ZNF136: variants seen among roughly 807,000 people sequenced by gnomAD.
The protein encoded by ZNF136 is zinc finger protein 136 (clone pHZ-20).
ZNF136 carries 8 observed loss-of-function variants against 11.4 expected under a neutral mutation model. That is an observed-to-expected ratio of 0.70 (90% CI 0.41 to 1.27). The LOEUF is 1.27. ZNF136 is among the 50% of genes most tolerant of loss of function. The pLI, the probability that ZNF136 is intolerant of heterozygous loss-of-function variation, is 0.01. For synonymous variants in ZNF136, 190 were observed against 207.1 expected, an observed-to-expected ratio of 0.92 and a Z score of 0.71; for missense variants, 590 against 656.5, an observed-to-expected ratio of 0.90 and a Z score of 1.11.
intron 1 of ZNF136, among the ~76,000 whole-genome samples, chr19:12,171,978 CTTTTT>C (rs57769136): frequency 7.7e-6 from 1 of 129,536 alleles, no homozygotes; most frequent in Non-Finnish European, 1.7e-5. Flanking sequence ...CTCTCTCTCT[CTTTTT>C]TTTTTTTTTT....
chr19:12,186,998 A>G lies in ZNF136; in HGVS notation c.620A>G (p.Tyr207Cys), dbSNP rs1446923943. 2 of 1,614,002 alleles carry G rather than the reference A, an allele frequency of 1.2e-6. No homozygotes were observed. Among genetic ancestry groups the G allele is most frequent in the Non-Finnish European group, 1.7e-6 (2 of 1,180,018 alleles). ...AAGGTGTGTGGGAAAGCTTTTGATT[A>G]TCCCAGTAGATTTCGAACACATGAA... The part of the protein sequence containing the change: ...KCKVCGKAFD[Y>C]PSRFRTHERS... The change falls in exon 4 of 4, where the codon TAT becomes TGT. Residue 207 changes from tyrosine (Y) to cysteine (C), a missense_variant. Physicochemically the swap from Tyr to Cys is radical, Grantham distance 194. Transcript: ENST00000343979.
Position 12,189,417 on chromosome 19 carries a change from A to T in ZNF136, c.*1416A>T, listed in dbSNP as rs2438578. 1 of 151,908 alleles carries T rather than the reference A, an allele frequency of 6.6e-6. No homozygotes were observed. Among genetic ancestry groups the T allele is most frequent in the Non-Finnish European group, 1.5e-5 (1 of 68,052 alleles). 9.4% of individuals were successfully genotyped at this position (151,908 alleles called of 1,614,324 possible). The stretch of plus-strand genomic sequence containing the variant: ...GTTGCCCAAGCTGGAGTACAGTGGC[A>T]TGATCTCGGCTCATTGCAACCTCTG... On this transcript the variant is annotated 3_prime_UTR_variant, in exon 4 of 4. Coordinates refer to ENST00000343979, the MANE Select transcript of ZNF136 (RefSeq NM_003437.5).
intron 1 of ZNF136, among the ~76,000 whole-genome samples, chr19:12,180,567 G>A (rs1914914164): frequency 6.6e-6 from 1 of 152,174 alleles, no homozygotes; most frequent in African/African-American, 2.4e-5. Flanking sequence ...GAGGGTGTGT[G>A]TATATGTTCT....
chr19:12,177,985 TGTGGTCCCA>T (rs1914843093), intron 1 of ZNF136, among the ~76,000 whole-genome samples: 1 of 152,156 alleles, frequency 6.6e-6, no homozygotes, highest in Admixed American at 6.6e-5. Flanking sequence ...GGCATGTACC[TGTGGTCCCA>T]GCTACTCCCA....
intron 1 of ZNF136, among the ~76,000 whole-genome samples, chr19:12,180,032 A>AT: frequency 6.6e-6 from 1 of 151,868 alleles, no homozygotes; most frequent in East Asian, 2.0e-4. Context: ...CACCCGGCTA[A>AT]TTTTTTTGTA....
At chr19:12,173,526 C>T (rs1422750966) in intron 1 of ZNF136, among the ~76,000 whole-genome samples, 1 of 152,158 alleles carries the variant, frequency 6.6e-6, no homozygotes, top group East Asian at 1.9e-4. Context: ...GCGAGTCATA[C>T]TGTAACTCTA....
rs1286127759 is a variant in ZNF136 at position 12,187,174 on chromosome 19, T to A, written c.796T>A (p.Ser266Thr). ...VCGKPFHSLS[S>T]FQVHERIHTG... is the part of the protein sequence containing the mutation. ...TGGGAAACCCTTTCATTCTCTGAGT[T>A]CATTTCAAGTGCATGAAAGAATTCA... Residue 266 changes from serine to threonine, a missense_variant, in exon 4 of 4, where the codon TCA becomes ACA. Transcript: ENST00000343979. 1 of 1,612,210 alleles carries A rather than the reference T, an allele frequency of 6.2e-7. No individual in the cohort carries two copies. The highest frequency in any genetic ancestry group is 8.5e-7 in the Non-Finnish European group (1 of 1,179,402).
chr19:12,164,056 C>G (rs766923398), intron 1 of ZNF136, among the ~76,000 whole-genome samples: 1 of 152,134 alleles, frequency 6.6e-6, no homozygotes, highest in Non-Finnish European at 1.5e-5. Flanking sequence ...CTTGGAGGAT[C>G]TAGTGAATAT....
At position 12,187,566 on chromosome 19, in the gene ZNF136, A is replaced by G. The variant is rs766941602; in HGVS notation, c.1188A>G (p.Val396=). The G allele has an allele frequency of 6.2e-7, 1 of 1,614,138 alleles. No homozygotes were observed. ...HTGEGPYKCK[V]CGKPFHSLSP... Reference sequence around the variant, plus strand: ...GAGAAGGACCTTATAAATGTAAGGTATGTGGGAAACCCTTTCATTCTCTGA... The same window carrying G: ...GAGAAGGACCTTATAAATGTAAGGTGTGTGGGAAACCCTTTCATTCTCTGA... Residue 396 remains valine, a synonymous_variant, in exon 4 of 4, where the codon GTA becomes GTG. Transcript: ENST00000343979.
At chr19:12,171,664 T>C (rs1465667827) in intron 1 of ZNF136, among the ~76,000 whole-genome samples, 2 of 144,644 alleles carry the variant, frequency 1.4e-5, no homozygotes, top group African/African-American at 5.6e-5. Flanking sequence ...TTTCACTCCA[T>C]TCTACATTTT....
chr19:12,163,334 C>A, intron 1 of ZNF136, 128 bp downstream of exon 1: 1 of 1,205,594 alleles, frequency 8.3e-7, no homozygotes, highest in Non-Finnish European at 1.1e-6. Flanking sequence ...CCCTCTGGCG[C>A]AGCTCAGCCC....
intron 1 of ZNF136, among the ~76,000 whole-genome samples, chr19:12,172,736 G>A (rs367865704): frequency 2.6e-5 from 4 of 152,256 alleles, no homozygotes; most frequent in African/African-American, 4.8e-5. Context: ...CCCAGAGGCC[G>A]GCTGTGGTGG....
At chr19:12,172,809 C>T (rs913440432) in intron 1 of ZNF136, among the ~76,000 whole-genome samples, 18 of 152,178 alleles carry the variant, frequency 1.2e-4, no homozygotes, top group South Asian at 4.1e-4. Context: ...GTCAGGAGAT[C>T]GAGACCATCC....
At chr19:12,167,580 C>G (rs1400476601) in intron 1 of ZNF136, among the ~76,000 whole-genome samples, 6 of 152,264 alleles carry the variant, frequency 3.9e-5, no homozygotes, top group Middle Eastern at 3.4e-3. Context: ...AAAGATAAGA[C>G]CGGGTGCGGT....
intron 1 of ZNF136, among the ~76,000 whole-genome samples, chr19:12,182,510 C>G (rs1435894055): frequency 1.3e-5 from 2 of 152,236 alleles, no homozygotes; most frequent in Non-Finnish European, 2.9e-5. Flanking sequence ...TACTCTTCCT[C>G]TGAAAAGCTC....
intron 1 of ZNF136, among the ~76,000 whole-genome samples, chr19:12,172,981 C>T (rs1395433565): frequency 2.6e-5 from 4 of 151,996 alleles, no homozygotes; most frequent in African/African-American, 4.8e-5. Context: ...CACTGCACTC[C>T]AGCCTGGCGA....
At chr19:12,166,805 T>A (rs1270240625) in intron 1 of ZNF136, among the ~76,000 whole-genome samples, 1 of 152,196 alleles carries the variant, frequency 6.6e-6, no homozygotes, top group Non-Finnish European at 1.5e-5. Context: ...TCATCAAACA[T>A]GAGTCATTAA....
In ZNF136 at chr19:12,169,960, A is replaced by C. The variant is rs529582706; in HGVS notation, c.3+6754A>C. Among the ~76,000 whole-genome samples the C allele has an allele frequency of 5.3e-5, 8 of 152,008 alleles. No homozygotes were observed. The South Asian group carries it at 1.0e-3, about 20-fold the overall frequency. On this transcript the variant is annotated intron_variant, in intron 1 of 3. Coordinates refer to ENST00000343979, the MANE Select transcript of ZNF136 (RefSeq NM_003437.5). ...CAGGCGCCTGCCACCACGTCCGGCT[A>C]ATTTTTTGTATTTTTAGTAGAGACG...
intron 1 of ZNF136, among the ~76,000 whole-genome samples, chr19:12,168,778 C>T (rs1300485974): frequency 2.0e-5 from 3 of 151,906 alleles, no homozygotes; most frequent in East Asian, 1.9e-4. Context: ...CGGGTTCAAG[C>T]GATTCTCCTG....
Sources: gnomAD v4.1 joint callset for allele counts (sites outside exome capture counted in the v4.1 genomes callset) on GRCh38, gnomAD v4.1.1 for gene constraint, MANE v1.5 for transcripts, NCBI Gene and HGNC (gene_info 2026-07-23, HGNC 2026-07-21) for gene names.